SLC16A10: variants seen among roughly 807,000 people sequenced by gnomAD.
The protein encoded by SLC16A10 is monocarboxylate transporter 10.
In SLC16A10, 27 loss-of-function variants were observed where a neutral mutation model predicts 40.0. That is an observed-to-expected ratio of 0.67 (90% CI 0.50 to 0.93). The LOEUF (loss-of-function observed/expected upper bound fraction) is 0.93, where lower values mean the gene tolerates loss of function less well. Among genes scored for constraint, SLC16A10 ranks in the 40% least tolerant of loss-of-function variants. SLC16A10 has a pLI of 0.00. For missense variants in SLC16A10, 529 were observed against 658.2 expected, an observed-to-expected ratio of 0.80 and a Z score of 2.15; for synonymous variants, 213 against 249.8, an observed-to-expected ratio of 0.85 and a Z score of 1.39.
chr6:111,224,983 A>C lies in SLC16A10; in HGVS notation c.*2748A>C, dbSNP rs72939587. On this transcript the variant is annotated 3_prime_UTR_variant, in exon 6 of 6. Transcript: ENST00000368851. ...TCGAAAGGTTCTGGCATTTGAGGCC[A>C]AAAAAAGCATGAAAGGGAGTAACAT... 28 of 152,316 alleles carry C rather than the reference A, an allele frequency of 1.8e-4. No homozygotes were observed. In the Middle Eastern group the frequency reaches 0.014, roughly 74 times the overall value. 9.4% of individuals were successfully genotyped at this position (152,316 alleles called of 1,614,324 possible). A position where few individuals can be genotyped will look rare whatever the true frequency, so the allele number is the denominator to read the frequency against.
At chr6:111,091,129 T>G (rs915027246) in intron 1 of SLC16A10, 1 of 152,222 alleles carries the variant, frequency 6.6e-6, no homozygotes, top group African/African-American at 2.4e-5. Flanking sequence ...CTTACAGAGT[T>G]TAAGTAAGAA....
chr6:111,109,423 T>C (rs1310223081), intron 1 of SLC16A10, among the ~76,000 whole-genome samples: 1 of 151,994 alleles, frequency 6.6e-6, no homozygotes. Flanking sequence ...TTTTTATTAC[T>C]AAGTAGTATT....
chr6:111,202,068 C>T (rs1773175883), intron 3 of SLC16A10, among the ~76,000 whole-genome samples: 1 of 152,220 alleles, frequency 6.6e-6, no homozygotes, highest in Admixed American at 6.5e-5. Context: ...AAGGCTGAGG[C>T]CATTCCAGTG....
chr6:111,214,691 C>A (rs1461134200), intron 4 of SLC16A10, among the ~76,000 whole-genome samples: 1 of 152,118 alleles, frequency 6.6e-6, no homozygotes, highest in African/African-American at 2.4e-5. Context: ...TCTATAAACA[C>A]AAGTCTTAAA....
intron 3 of SLC16A10, among the ~76,000 whole-genome samples, chr6:111,187,235 T>C (rs933404469): frequency 2.0e-5 from 3 of 152,222 alleles, no homozygotes; most frequent in Admixed American, 6.5e-5. Context: ...CATTGGAGTC[T>C]CAGGACCACT....
At position 111,222,427 on chromosome 6, in the gene SLC16A10, C is replaced by A; in HGVS notation, c.*192C>A. On this transcript the variant is annotated 3_prime_UTR_variant, in exon 6 of 6. Coordinates refer to ENST00000368851, the MANE Select transcript of SLC16A10 (RefSeq NM_018593.5). ...AAATATCTCTGATGTTTCCATGAGT[C>A]TGAGGGCAGAGACTCTGGTATATGA... 2 of 606,968 alleles carry A rather than the reference C, an allele frequency of 3.3e-6. No individual in the cohort carries two copies. Among genetic ancestry groups the A allele is most frequent in the Non-Finnish European group, 5.1e-6 (2 of 394,466 alleles). 37.6% of individuals were successfully genotyped at this position (606,968 alleles called of 1,614,324 possible).
At chr6:111,191,980 G>A (rs1773001875) in intron 3 of SLC16A10, among the ~76,000 whole-genome samples, 2 of 152,158 alleles carry the variant, frequency 1.3e-5, no homozygotes, top group South Asian at 4.1e-4. Flanking sequence ...TGTTCACTCT[G>A]ATGGTAGTTC....
chr6:111,116,342 G>A (rs912706296), intron 1 of SLC16A10, among the ~76,000 whole-genome samples: 4 of 151,408 alleles, frequency 2.6e-5, no homozygotes, highest in Non-Finnish European at 5.9e-5. Context: ...CTCAGCCTCC[G>A]GAGTAGCTGG....
intron 1 of SLC16A10, among the ~76,000 whole-genome samples, chr6:111,116,488 G>T (rs565703407): frequency 6.6e-6 from 1 of 152,252 alleles, no homozygotes; most frequent in East Asian, 1.9e-4. Context: ...AAAGTGCTGG[G>T]ATTACAGGCA....
chr6:111,183,204 G>A (rs1377362088), intron 3 of SLC16A10, among the ~76,000 whole-genome samples: 2 of 152,088 alleles, frequency 1.3e-5, no homozygotes, highest in Non-Finnish European at 2.9e-5. Flanking sequence ...TCTGCCATTC[G>A]CCTTTTAATG....
At chr6:111,197,302 G>T (rs1265304260) in intron 3 of SLC16A10, among the ~76,000 whole-genome samples, 1 of 152,148 alleles carries the variant, frequency 6.6e-6, no homozygotes, top group Non-Finnish European at 1.5e-5. Context: ...GAATTTTCAT[G>T]GAAGGATCCA....
Position 111,230,033 on chromosome 6 carries a change from A to G in SLC16A10, c.*7798A>G, listed in dbSNP as rs1202296903. On this transcript the variant is annotated 3_prime_UTR_variant, in exon 6 of 6. Transcript: ENST00000368851. Reference sequence around the variant, plus strand: ...TGAGATGGAGTCTTGCTCTATTGCCAGGCTCCATATAGTGGCGCGATCTCA... The same window carrying G: ...TGAGATGGAGTCTTGCTCTATTGCCGGGCTCCATATAGTGGCGCGATCTCA... 2 of 104,012 alleles carry G rather than the reference A, an allele frequency of 1.9e-5. No homozygotes were observed. The highest frequency in any genetic ancestry group is 3.5e-5 in the Non-Finnish European group (2 of 57,496). The allele number at this position is 104,012 out of a possible 1,614,324, so 6.4% of individuals were successfully genotyped here. A position where few individuals can be genotyped will look rare whatever the true frequency, so the allele number is the denominator to read the frequency against.
chr6:111,172,557 G>A, intron 1 of SLC16A10, 138 bp from the exon 2 acceptor site: 1 of 960,994 alleles, frequency 1.0e-6, no homozygotes. Flanking sequence ...AATTTCCATG[G>A]CAAAAGAACT....
At chr6:111,180,013 G>A (rs562895705) in intron 3 of SLC16A10, among the ~76,000 whole-genome samples, 1 of 152,332 alleles carries the variant, frequency 6.6e-6, no homozygotes, top group East Asian at 1.9e-4. Context: ...CAAAAGACTA[G>A]TAAAGTAGAT....
At chr6:111,183,053 C>T (rs1308703098) in intron 3 of SLC16A10, among the ~76,000 whole-genome samples, 1 of 152,200 alleles carries the variant, frequency 6.6e-6, no homozygotes. Context: ...AAACATAAGT[C>T]ACTCTGCTCA....
intron 1 of SLC16A10, among the ~76,000 whole-genome samples, chr6:111,156,231 T>A (rs1023036730): frequency 2.3e-4 from 35 of 152,272 alleles, no homozygotes; most frequent in African/African-American, 8.2e-4. Flanking sequence ...TTCCAAGTAA[T>A]TTATGTAGGT....
intron 3 of SLC16A10, among the ~76,000 whole-genome samples, chr6:111,184,625 G>C (rs1019439649): frequency 1.3e-5 from 2 of 151,962 alleles, no homozygotes; most frequent in African/African-American, 4.8e-5. Context: ...GGGATTACAG[G>C]TACCTGCCAC....
chr6:111,181,840 G>T (rs1772797680), intron 3 of SLC16A10, among the ~76,000 whole-genome samples: 2 of 152,072 alleles, frequency 1.3e-5, no homozygotes, highest in African/African-American at 4.8e-5. Flanking sequence ...TTTTTAGAAG[G>T]ATACAAATCT....
chr6:111,205,386 G>A (rs895445553), intron 3 of SLC16A10, among the ~76,000 whole-genome samples: 2 of 152,100 alleles, frequency 1.3e-5, no homozygotes, highest in African/African-American at 2.4e-5. Context: ...GTGATTGTCA[G>A]GCATTATGGA....
Sources: gnomAD v4.1 joint callset for allele counts (sites outside exome capture counted in the v4.1 genomes callset) on GRCh38, gnomAD v4.1.1 for gene constraint, MANE v1.5 for transcripts, NCBI Gene and HGNC (gene_info 2026-07-23, HGNC 2026-07-21) for gene names.